The following RAD51B variants were observed in gnomAD, a reference collection of about 807,000 sequenced individuals.
RAD51B encodes RAD51 paralog B.
A neutral mutation model predicts 42.2 loss-of-function variants in RAD51B; 38 were observed. The observed-to-expected ratio is 0.90, with a 90% CI of 0.70 to 1.18. RAD51B has a LOEUF of 1.18. Among genes scored for constraint, RAD51B ranks in the 50% most tolerant of loss-of-function variants. RAD51B has a pLI of 0.00. For missense variants in RAD51B, 373 were observed against 400.7 expected (o/e 0.93, Z 0.59); for synonymous variants, 154 against 145.2 (o/e 1.06, Z -0.43).
chr14:68,626,395 C>T (rs980791708), intron 10 of RAD51B, among the ~76,000 whole-genome samples: 2 of 152,266 alleles, frequency 1.3e-5, no homozygotes, highest in Admixed American at 1.3e-4. Context: ...ACAACAGACA[C>T]TCTAAAACTT....
At chr14:68,455,941 G>A (rs946041397) in intron 9 of RAD51B, among the ~76,000 whole-genome samples, 6 of 152,152 alleles carry the variant, frequency 3.9e-5, no homozygotes, top group African/African-American at 1.4e-4. Flanking sequence ...AAGGGGAAGA[G>A]AATAGAGCTA....
At position 68,161,172 on chromosome 14, in the gene RAD51B, T is replaced by G. The variant is rs183499968; in HGVS notation, c.757-130712T>G. Among the ~76,000 whole-genome samples, 111 of 152,324 alleles carry G rather than the reference T, an allele frequency of 7.3e-4. 1 individual carries two copies. The highest frequency in any genetic ancestry group is 2.7e-3 in the African/African-American group (111 of 41,568). On this transcript the variant is annotated intron_variant, in intron 7 of 10. Transcript: ENST00000471583. The stretch of plus-strand genomic sequence containing the variant: ...TAGGCTAAAACCAACTCACACTGAC[T>G]TAAGTTAAAAGAGAATTCACTAGCT...
At chr14:68,007,192 C>T (rs2075605203) in intron 7 of RAD51B, among the ~76,000 whole-genome samples, 1 of 152,086 alleles carries the variant, frequency 6.6e-6, no homozygotes, top group African/African-American at 2.4e-5. Flanking sequence ...TATATTACAA[C>T]ATGTATTTAT....
At chr14:68,358,251 C>T (rs2082948281) in intron 8 of RAD51B, among the ~76,000 whole-genome samples, 1 of 152,148 alleles carries the variant, frequency 6.6e-6, no homozygotes, top group South Asian at 2.1e-4. Context: ...GAAGCAAGCA[C>T]ATGCTGTTGG....
At chr14:68,071,428 A>G (rs2076738255) in intron 7 of RAD51B, among the ~76,000 whole-genome samples, 1 of 152,078 alleles carries the variant, frequency 6.6e-6, no homozygotes, top group African/African-American at 2.4e-5. Flanking sequence ...TCTTATTTTG[A>G]AGTATATACC....
chr14:68,552,859 G>C (rs1888648085), intron 10 of RAD51B, among the ~76,000 whole-genome samples: 1 of 152,164 alleles, frequency 6.6e-6, no homozygotes, highest in African/African-American at 2.4e-5. Context: ...CACTTAAAGG[G>C]ATAAGTAAGA....
rs148269438 is a variant in RAD51B, at chr14:68,608,924, C to T, written c.1037-2082C>T. On this transcript the variant is annotated intron_variant, in intron 10 of 10. Coordinates refer to the RAD51B transcript ENST00000487861. ...CTTCTCCATGCTGTGGCCCCTCCTCCGGGGCCCCCACTTCTCAACCTCTGC... is the reference window on the plus strand; with the variant it reads ...CTTCTCCATGCTGTGGCCCCTCCTCTGGGGCCCCCACTTCTCAACCTCTGC... Among the ~76,000 whole-genome samples, 1,006 of 152,270 alleles carry T rather than the reference C, an allele frequency of 6.6e-3. 11 individuals are homozygous for T. The highest frequency in any genetic ancestry group is 0.023 in the African/African-American group (945 of 41,538).
At chr14:68,064,936 T>C in intron 7 of RAD51B, among the ~76,000 whole-genome samples, 1 of 152,246 alleles carries the variant, frequency 6.6e-6, no homozygotes, top group East Asian at 1.9e-4. Flanking sequence ...TTAAGATTTT[T>C]GCTTTGATTT....
intron 7 of RAD51B, among the ~76,000 whole-genome samples, chr14:67,940,124 A>T (rs1188669367): frequency 1.8e-5 from 2 of 113,402 alleles, no homozygotes; most frequent in Non-Finnish European, 3.3e-5. Context: ...CCCAGCCTGG[A>T]GTGCAATGGC....
At chr14:68,604,649 G>A (rs1201684283) in intron 10 of RAD51B, among the ~76,000 whole-genome samples, 1 of 152,216 alleles carries the variant, frequency 6.6e-6, no homozygotes, top group African/African-American at 2.4e-5. Flanking sequence ...GGTCCCCAGG[G>A]CTGCCCTCCT....
chr14:68,609,500 C>CTGCTTTG (rs1362801408), intron 10 of RAD51B, among the ~76,000 whole-genome samples: 9 of 152,190 alleles, frequency 5.9e-5, no homozygotes, highest in African/African-American at 2.2e-4. Flanking sequence ...CAGAGGATGT[C>CTGCTTTG]CCCACCTCCT....
intron 10 of RAD51B, among the ~76,000 whole-genome samples, chr14:68,635,955 G>C (rs1892331922): frequency 6.6e-6 from 1 of 152,114 alleles, no homozygotes; most frequent in South Asian, 2.1e-4. Context: ...AAAACACATA[G>C]GACACAGCAT....
intron 8 of RAD51B, among the ~76,000 whole-genome samples, chr14:68,327,800 G>A (rs1461831608): frequency 6.6e-6 from 1 of 152,020 alleles, no homozygotes; most frequent in African/African-American, 2.4e-5. Context: ...ACTATAAAAG[G>A]AAAAATAAAC....
At chr14:68,528,494 T>A (rs1249303530) in intron 10 of RAD51B, among the ~76,000 whole-genome samples, 1 of 152,236 alleles carries the variant, frequency 6.6e-6, no homozygotes, top group African/African-American at 2.4e-5. Flanking sequence ...AAGTTTTATC[T>A]GATCTCTTGT....
intron 7 of RAD51B, among the ~76,000 whole-genome samples, chr14:67,997,965 T>G (rs2140304714): frequency 6.6e-6 from 1 of 152,330 alleles, no homozygotes; most frequent in South Asian, 2.1e-4. Flanking sequence ...ATGTTGAGCT[T>G]TCTTCTAGGA....
intron 7 of RAD51B, among the ~76,000 whole-genome samples, chr14:68,008,791 G>A (rs1158279000): frequency 6.6e-6 from 1 of 151,982 alleles, no homozygotes; most frequent in African/African-American, 2.4e-5. Flanking sequence ...TGGGCAAATA[G>A]TGTCAATGAG....
rs192555934 is a variant in RAD51B at position 68,283,572 on chromosome 14, T to C, written c.757-8312T>C. The stretch of plus-strand genomic sequence containing the variant: ...ACAGTTCACCAATTGTGCATGTTAT[T>C]TCCTGCAGTGGGCCCAAGATCACTG... On this transcript the variant is annotated intron_variant, in intron 7 of 10. Coordinates refer to ENST00000471583, the MANE Select transcript of RAD51B (RefSeq NM_133510.4). Among the ~76,000 whole-genome samples, 15 of 152,330 alleles carry C rather than the reference T, an allele frequency of 9.8e-5. No individual in the cohort carries two copies. In the South Asian group the frequency reaches 1.5e-3, roughly 15 times the overall value.
chr14:68,079,628 TTTTTA>T (rs1310278896), intron 7 of RAD51B, among the ~76,000 whole-genome samples: 2 of 152,216 alleles, frequency 1.3e-5, no homozygotes, highest in East Asian at 1.9e-4. Flanking sequence ...TTTATGTTGG[TTTTTA>T]TTTTATTACT....
At chr14:68,259,787 G>A (rs1247391967) in intron 7 of RAD51B, among the ~76,000 whole-genome samples, 1 of 152,094 alleles carries the variant, frequency 6.6e-6, no homozygotes, top group African/African-American at 2.4e-5. Flanking sequence ...GTTAAGCATG[G>A]TGTCTTGACC....
Sources: gnomAD v4.1 joint callset for allele counts (sites outside exome capture counted in the v4.1 genomes callset) on GRCh38, gnomAD v4.1.1 for gene constraint, MANE v1.5 for transcripts, NCBI Gene and HGNC (gene_info 2026-07-23, HGNC 2026-07-21) for gene names.